Variants in WNK1 observed in about 807,000 individuals in gnomAD.
WNK1 encodes serine/threonine-protein kinase WNK1.
In WNK1, 38 loss-of-function variants were observed where a neutral mutation model predicts 222.8. That is an observed-to-expected ratio of 0.17 (90% CI 0.13 to 0.22). WNK1 has a LOEUF of 0.22. WNK1 is among the 10% of genes least tolerant of loss of function. The probability of loss-of-function intolerance (pLI) is 1.00; values close to 1 mark genes in which losing one functional copy is unlikely to be tolerated. For missense variants in WNK1, 2,348 were observed against 2,918.4 expected (o/e 0.80, Z 4.50); for synonymous variants, 1,090 against 1,092.9 (o/e 1.00, Z 0.05).
In WNK1 at chr12:829,421, C is replaced by T. The variant is rs72648627; in HGVS notation, c.1154-582C>T. 8.5e-3 allele frequency among the ~76,000 whole-genome samples: 1,287 copies of T among 152,166 alleles called. 12 individuals carry two copies. Among genetic ancestry groups the T allele is most frequent in the Non-Finnish European group, 0.011 (763 of 67,998 alleles). ...GGTGAGTGGCCTTTGGAGACAATTA[C>T]GTTTTATTTCATTTTTTAAAAAATG... is the stretch of plus-strand genomic sequence containing the variant. On this transcript the variant is annotated intron_variant, in intron 3 of 27. Transcript: ENST00000315939.
chr12:883,860 C>T (rs1441222624), intron 17 of WNK1, 29 bp downstream of exon 17: 1 of 1,611,598 alleles, frequency 6.2e-7, no homozygotes, highest in Non-Finnish European at 8.5e-7. Context: ...CTTGTTTTTA[C>T]CTTTGACTTA....
chr12:886,207 TA>T (rs1438433763), intron 19 of WNK1, 123 bp downstream of exon 19: 24 of 888,786 alleles, frequency 2.7e-5, no homozygotes, highest in Non-Finnish European at 3.8e-5. Flanking sequence ...TGGCTTATAG[TA>T]TTTATTAAAT....
chr12:833,255 T>A (rs1253438855), intron 4 of WNK1, among the ~76,000 whole-genome samples: 1 of 152,222 alleles, frequency 6.6e-6, no homozygotes, highest in Non-Finnish European at 1.5e-5. Context: ...TGCATTATAT[T>A]CCAGAAGTAA....
chr12:780,352 A>G (rs1361003109), intron 1 of WNK1, among the ~76,000 whole-genome samples: 1 of 152,224 alleles, frequency 6.6e-6, no homozygotes, highest in African/African-American at 2.4e-5. Context: ...GTCTGATTTA[A>G]CTTTATTTTG....
chr12:767,234 GTTTTTTTTTTTTTTTTT>G lies in WNK1; in HGVS notation c.759+12929_759+12945del, dbSNP rs71051382. On this transcript the variant is annotated intron_variant, in intron 1 of 27. Transcript: ENST00000315939. The stretch of plus-strand genomic sequence containing the variant: ...TGTGGCAGACTTTCTGGGTTGATAG[GTTTTTTTTTTTTTTTTT>G]TTTTTTTTTTTTTTTTTTGGAGACA... Among the ~76,000 whole-genome samples the G allele has an allele frequency of 5.3e-3, 377 of 70,908 alleles. 3 individuals carry two copies. The highest frequency in any genetic ancestry group is 0.022 in the African/African-American group (343 of 15,784). The allele number at this position is 70,908 out of a possible 152,430, so 46.5% of individuals were successfully genotyped here.
intron 1 of WNK1, among the ~76,000 whole-genome samples, chr12:793,066 A>G (rs191029752): frequency 8.1e-4 from 124 of 152,334 alleles, no homozygotes; most frequent in African/African-American, 2.9e-3. Context: ...ATTAATAAAC[A>G]AGGCTAACAT....
intron 1 of WNK1, among the ~76,000 whole-genome samples, chr12:776,173 A>G (rs544007085): frequency 6.6e-6 from 1 of 151,956 alleles, no homozygotes; most frequent in Non-Finnish European, 1.5e-5. Context: ...AGCTGGGACT[A>G]CAGGCATGTA....
At chr12:764,753 G>C (rs886596588) in intron 1 of WNK1, among the ~76,000 whole-genome samples, 6 of 146,304 alleles carry the variant, frequency 4.1e-5, no homozygotes, top group African/African-American at 1.5e-4. Context: ...GCCTCAGTAA[G>C]GGGGAGGTTG....
At chr12:852,753 A>G (rs1321567766) in intron 4 of WNK1, among the ~76,000 whole-genome samples, 1 of 152,160 alleles carries the variant, frequency 6.6e-6, no homozygotes, top group Admixed American at 6.5e-5. Context: ...TTGAGTTCTC[A>G]TGTCTTAAGA....
rs1950855278 is a variant in WNK1, at chr12:857,231, G to A, written c.1382G>A (p.Arg461Gln). 4 of 1,614,008 alleles carry A rather than the reference G, an allele frequency of 2.5e-6. No individual in the cohort carries two copies. Among genetic ancestry groups the A allele is most frequent in the East Asian group, 2.2e-5 (1 of 44,872 alleles). ...AAGGAAATTATTGAAGGATGCATAC[G>A]ACAAAACAAAGATGAAAGGTAAGTT... ...EVKEIIEGCI[R>Q]QNKDERYSIK... Residue 461 changes from arginine (R) to glutamine (Q), a missense_variant, in exon 5 of 28, where the codon CGA becomes CAA. Arg to Gln is a conservative substitution (Grantham distance 43). This residue lies in a region of WNK1 where 37 missense variants were observed against 102.8 expected (regional missense o/e 0.36). Transcript: ENST00000315939.
At chr12:790,461 A>C (rs1430607416) in intron 1 of WNK1, among the ~76,000 whole-genome samples, 1 of 152,122 alleles carries the variant, frequency 6.6e-6, no homozygotes, top group African/African-American at 2.4e-5. Context: ...TTAGGGAGAA[A>C]GACTTTTCCT....
At chr12:867,730 G>A (rs554736885) in intron 8 of WNK1, 6 of 981,142 alleles carry the variant, frequency 6.1e-6, no homozygotes, top group Admixed American at 2.3e-5. Context: ...ATTTCCAGAA[G>A]CATTGTTATT....
rs1019968388 is a variant in WNK1 at position 758,452 on chromosome 12, A to G, written c.759+4128A>G. On this transcript the variant is annotated intron_variant, in intron 1 of 27. Coordinates refer to ENST00000315939, the MANE Select transcript of WNK1 (RefSeq NM_018979.4). ...CCGGACTGCGGACTGCAGTGGCGCA[A>G]TCTCGGCTCACTGCAAGCTCCACTT... 2.7e-4 allele frequency among the ~76,000 whole-genome samples: 33 copies of G among 122,600 alleles called. 4 individuals are homozygous for G. In the Middle Eastern group the frequency reaches 0.018, roughly 66 times the overall value. 80.4% of individuals were successfully genotyped at this position (122,600 alleles called of 152,430 possible).
chr12:778,246 A>C (rs1398187582), intron 1 of WNK1, among the ~76,000 whole-genome samples: 1 of 152,188 alleles, frequency 6.6e-6, no homozygotes, highest in Non-Finnish European at 1.5e-5. Flanking sequence ...TTGATGTTTT[A>C]GTTTTAAAAG....
chr12:878,171 T>A (rs1484886321), intron 9 of WNK1, 41 bp from the exon 10 acceptor site: 4 of 1,613,268 alleles, frequency 2.5e-6, no homozygotes, highest in Non-Finnish European at 3.4e-6. Context: ...CATGCTGTTA[T>A]TGATTTGAAA....
intron 1 of WNK1, among the ~76,000 whole-genome samples, chr12:759,839 A>G (rs556383724): frequency 6.8e-6 from 1 of 148,064 alleles, no homozygotes; most frequent in East Asian, 1.9e-4. Context: ...TGTAAAAAAG[A>G]GTACCCATTT....
rs551551638 is a variant in WNK1 at position 758,346 on chromosome 12, A to G, written c.759+4022A>G. On this transcript the variant is annotated intron_variant, in intron 1 of 27. Coordinates refer to ENST00000315939, the MANE Select transcript of WNK1 (RefSeq NM_018979.4). Reference sequence around the variant, plus strand: ...TGGGATGTGGTTCTGTGATTAAGAAACCATCATTTATTTCTTTGCTATAGT... The same window carrying G: ...TGGGATGTGGTTCTGTGATTAAGAAGCCATCATTTATTTCTTTGCTATAGT... Among the ~76,000 whole-genome samples the G allele has an allele frequency of 2.0e-4, 27 of 137,942 alleles. 1 individual carries two copies. The highest frequency in any genetic ancestry group is 1.7e-3 in the Admixed American group (24 of 13,874). The allele number at this position is 137,942 out of a possible 152,430, so 90.5% of individuals were successfully genotyped here. A position where few individuals can be genotyped will look rare whatever the true frequency, so the allele number is the denominator to read the frequency against.
chr12:848,129 G>A (rs949288558), intron 4 of WNK1, among the ~76,000 whole-genome samples: 3 of 152,078 alleles, frequency 2.0e-5, no homozygotes, highest in Non-Finnish European at 2.9e-5. Flanking sequence ...TTCTAACTTT[G>A]ACATAGAATT....
intron 16 of WNK1, 86 bp from the exon 17 acceptor site, chr12:883,688 A>G: frequency 6.3e-7 from 1 of 1,597,332 alleles, no homozygotes. Flanking sequence ...ACAAACTTTT[A>G]TGTTCTCTTC....
Sources: gnomAD v4.1 joint callset for allele counts (sites outside exome capture counted in the v4.1 genomes callset) on GRCh38, gnomAD v4.1.1 for gene constraint, gnomAD v4.1.1 regional missense constraint, MANE v1.5 for transcripts, NCBI Gene and HGNC (gene_info 2026-07-23, HGNC 2026-07-21) for gene names.